SMG6: variants seen among roughly 807,000 people sequenced by gnomAD.
The protein encoded by SMG6 is telomerase-binding protein EST1A.
SMG6 carries 66 observed loss-of-function variants against 142.2 expected under a neutral mutation model. The ratio of observed to expected loss-of-function variants is 0.46; its 90% CI spans 0.38 to 0.57. The LOEUF is 0.57. Ranked by LOEUF, SMG6 falls within the 20% of genes least tolerant of loss-of-function variation. The probability of loss-of-function intolerance (pLI) is 0.00; values close to 1 mark genes in which losing one functional copy is unlikely to be tolerated. For synonymous variants in SMG6, 779 were observed against 702.4 expected (o/e 1.11, Z -1.72); for missense variants, 1,793 against 1,832.0 (o/e 0.98, Z 0.39).
chr17:2,303,057 G>A (rs1373268818), intron 1 of SMG6: 2 of 985,298 alleles, frequency 2.0e-6, no homozygotes, highest in Non-Finnish European at 2.4e-6. Context: ...TGCAAATTGA[G>A]CATTCTCTCT....
At chr17:2,143,368 A>G (rs2070549589) in intron 13 of SMG6, among the ~76,000 whole-genome samples, 1 of 152,248 alleles carries the variant, frequency 6.6e-6, no homozygotes, top group Non-Finnish European at 1.5e-5. Context: ...CAAATGTGGA[A>G]TTACCATATA....
chr17:2,224,720 C>A (rs1410596297), intron 10 of SMG6, among the ~76,000 whole-genome samples: 1 of 151,310 alleles, frequency 6.6e-6, no homozygotes, highest in African/African-American at 2.4e-5. Context: ...ATAGGAAAAC[C>A]AACCAACCAA....
chr17:2,245,682 G>T (rs764594897), intron 8 of SMG6, among the ~76,000 whole-genome samples: 2 of 152,018 alleles, frequency 1.3e-5, no homozygotes, highest in African/African-American at 2.4e-5. Context: ...ACTGCACCCA[G>T]CATGTTTTGT....
chr17:2,196,940 A>G (rs1465449213), intron 10 of SMG6, among the ~76,000 whole-genome samples: 1 of 152,224 alleles, frequency 6.6e-6, no homozygotes. Flanking sequence ...ATGCAAAAAA[A>G]CAAAGCAATA....
chr17:2,130,244 G>A (rs2070067482), intron 13 of SMG6, among the ~76,000 whole-genome samples: 1 of 84,706 alleles, frequency 1.2e-5, no homozygotes, highest in Non-Finnish European at 2.1e-5. Flanking sequence ...TCCGGCCTGG[G>A]CGACAGAGCG....
intron 13 of SMG6, among the ~76,000 whole-genome samples, chr17:2,140,064 AG>A (rs898634688): frequency 1.3e-5 from 2 of 150,150 alleles, no homozygotes; most frequent in African/African-American, 4.9e-5. Context: ...TAAACTGTTA[AG>A]GGGCACTTTA....
intron 9 of SMG6, chr17:2,236,973 C>G (rs907432109): frequency 2.4e-6 from 1 of 413,620 alleles, no homozygotes; most frequent in Non-Finnish European, 3.3e-6. Context: ...TCTCTGAAAC[C>G]ATCGGCTTTT....
chr17:2,125,052 C>CT (rs150590213), intron 13 of SMG6, among the ~76,000 whole-genome samples: 1,568 of 152,220 alleles, frequency 0.01, 31 homozygotes, highest in African/African-American at 0.036. Context: ...ACTATGGTCT[C>CT]TTCTTCTATG....
intron 13 of SMG6, among the ~76,000 whole-genome samples, chr17:2,168,597 C>T (rs2071410786): frequency 6.6e-6 from 1 of 152,134 alleles, no homozygotes; most frequent in Non-Finnish European, 1.5e-5. Flanking sequence ...CCTCAGTATC[C>T]TCTTTTACAA....
chr17:2,220,501 G>A (rs899901890), intron 10 of SMG6, among the ~76,000 whole-genome samples: 1 of 152,120 alleles, frequency 6.6e-6, no homozygotes, highest in Non-Finnish European at 1.5e-5. Context: ...GTAGTGGCAT[G>A]CGCTTGTAGT....
At chr17:2,098,101 G>A (rs989749621) in intron 13 of SMG6, among the ~76,000 whole-genome samples, 2 of 151,962 alleles carry the variant, frequency 1.3e-5, no homozygotes, top group Admixed American at 6.6e-5. Context: ...TGATCCTTCC[G>A]CCTCAACTTC....
intron 8 of SMG6, among the ~76,000 whole-genome samples, chr17:2,269,195 G>A (rs542248233): frequency 7.3e-6 from 1 of 137,260 alleles, no homozygotes; most frequent in South Asian, 2.4e-4. Context: ...ACTCCAGCCT[G>A]GGCGACAGAG....
chr17:2,245,463 G>A (rs960183528), intron 8 of SMG6, among the ~76,000 whole-genome samples: 7 of 152,182 alleles, frequency 4.6e-5, no homozygotes, highest in African/African-American at 1.7e-4. Context: ...TCAGCTCACT[G>A]CAACCTCCAC....
At chr17:2,207,258 C>T (rs752402088) in intron 10 of SMG6, among the ~76,000 whole-genome samples, 1 of 152,102 alleles carries the variant, frequency 6.6e-6, no homozygotes, top group Non-Finnish European at 1.5e-5. Flanking sequence ...GCACTCCAAC[C>T]TGGGCAACAG....
chr17:2,145,803 A>C (rs2070652126), intron 13 of SMG6, among the ~76,000 whole-genome samples: 1 of 152,032 alleles, frequency 6.6e-6, no homozygotes, highest in Non-Finnish European at 1.5e-5. Context: ...TTCTGAACTC[A>C]ATTAGGTGAC....
intron 8 of SMG6, among the ~76,000 whole-genome samples, chr17:2,264,496 CAT>C (rs1161951941): frequency 1.3e-5 from 2 of 152,196 alleles, no homozygotes; most frequent in East Asian, 3.8e-4. Flanking sequence ...CCATCTCTCA[CAT>C]AGAGAGGAAT....
At chr17:2,219,803 C>CAAA (rs72234069) in intron 10 of SMG6, among the ~76,000 whole-genome samples, 2 of 118,100 alleles carry the variant, frequency 1.7e-5, no homozygotes, top group African/African-American at 3.1e-5. Flanking sequence ...GACCCTTTAT[C>CAAA]AAAAAAAAAA....
intron 9 of SMG6, among the ~76,000 whole-genome samples, chr17:2,239,728 A>G (rs955491436): frequency 1.3e-5 from 2 of 152,230 alleles, no homozygotes; most frequent in African/African-American, 4.8e-5. Flanking sequence ...AAGAAAGAAA[A>G]GATTTCTCCC....
chr17:2,221,865 T>TC (rs2151768941), intron 10 of SMG6, among the ~76,000 whole-genome samples: 1 of 152,202 alleles, frequency 6.6e-6, no homozygotes, highest in South Asian at 2.1e-4. Flanking sequence ...TGCCTCAGCC[T>TC]CCCAAGTAGC....
Sources: gnomAD v4.1 joint callset for allele counts (sites outside exome capture counted in the v4.1 genomes callset) on GRCh38, gnomAD v4.1.1 for gene constraint, MANE v1.5 for transcripts, NCBI Gene and HGNC (gene_info 2026-07-23, HGNC 2026-07-21) for gene names.